ELP4: variants seen among roughly 807,000 people sequenced by gnomAD.
ELP4 encodes elongator acetyltransferase complex subunit 4.
In ELP4, 51 loss-of-function variants were observed where a neutral mutation model predicts 48.9. The observed-to-expected ratio is 1.04, with a 90% CI of 0.83 to 1.32. The LOEUF is 1.32. Among genes scored for constraint, ELP4 ranks in the 40% most tolerant of loss-of-function variants. ELP4 has a pLI of 0.00. For synonymous variants in ELP4, 210 were observed against 189.2 expected, an observed-to-expected ratio of 1.11 and a Z score of -0.90; for missense variants, 519 against 514.6, an observed-to-expected ratio of 1.01 and a Z score of -0.08.
intron 9 of ELP4, chr11:31,682,080 G>A (rs1158693443): frequency 1.6e-6 from 2 of 1,280,888 alleles, no homozygotes; most frequent in Non-Finnish European, 2.0e-6. Context: ...CTAAAGGTAA[G>A]TAGATACTGA....
chr11:31,632,874 T>C (rs1198212886), intron 7 of ELP4: 1 of 152,178 alleles, frequency 6.6e-6, no homozygotes, highest in Non-Finnish European at 1.5e-5. Flanking sequence ...TTAGTTCATG[T>C]TCTGAAACAG....
At chr11:31,537,042 C>T (rs1202778445) in intron 2 of ELP4, among the ~76,000 whole-genome samples, 1 of 152,080 alleles carries the variant, frequency 6.6e-6, no homozygotes, top group Non-Finnish European at 1.5e-5. Flanking sequence ...TCCTAAGAAA[C>T]ATTTGCCTAC....
chr11:31,757,763 G>A (rs979304441), intron 9 of ELP4, among the ~76,000 whole-genome samples: 6 of 152,172 alleles, frequency 3.9e-5, no homozygotes, highest in African/African-American at 1.4e-4. Flanking sequence ...CACGCCAGAT[G>A]TAACAGTTTG....
At chr11:31,530,330 A>G (rs1020415406) in intron 2 of ELP4, among the ~76,000 whole-genome samples, 3 of 152,180 alleles carry the variant, frequency 2.0e-5, no homozygotes, top group Non-Finnish European at 4.4e-5. Flanking sequence ...AAGTACATAA[A>G]ATCATTTCAT....
chr11:31,615,279 T>C (rs1369770483), intron 5 of ELP4, among the ~76,000 whole-genome samples: 3 of 151,982 alleles, frequency 2.0e-5, no homozygotes, highest in Non-Finnish European at 4.4e-5. Context: ...TAAGAAAAAA[T>C]TGAATACCCT....
intron 3 of ELP4, among the ~76,000 whole-genome samples, chr11:31,546,196 G>A (rs1390365656): frequency 6.6e-6 from 1 of 151,984 alleles, no homozygotes; most frequent in Non-Finnish European, 1.5e-5. Flanking sequence ...TGGCAAATTG[G>A]ATAAAGAGTC....
intron 9 of ELP4, among the ~76,000 whole-genome samples, chr11:31,685,930 TA>T (rs58204467): frequency 0.4 from 57,224 of 142,654 alleles, 11,833 homozygotes; most frequent in East Asian, 0.62. Context: ...GACTCCATCT[TA>T]AAAAAAAAAA....
At position 31,660,219 on chromosome 11, in the gene ELP4, G is replaced by A. The variant is rs896220239; in HGVS notation, c.1143+9998G>A. 3.9e-5 allele frequency among the ~76,000 whole-genome samples: 6 copies of A among 151,924 alleles called. No individual in the cohort carries two copies. In the East Asian group the frequency reaches 5.8e-4, roughly 15 times the overall value. On this transcript the variant is annotated intron_variant, in intron 9 of 9. Transcript: ENST00000640961. ...ACTTTTCACTTACATATTTTGAAAC[G>A]GGCTTTTTTGTTGATATTTCTGCCG...
intron 5 of ELP4, among the ~76,000 whole-genome samples, chr11:31,618,618 A>G (rs1261501958): frequency 6.6e-6 from 1 of 152,092 alleles, no homozygotes; most frequent in Non-Finnish European, 1.5e-5. Context: ...CCGACATTCA[A>G]ACCATAGTAC....
At chr11:31,626,982 G>A (rs2273943) in intron 5 of ELP4, 128 bp from the exon 6 acceptor site, 391,861 of 556,074 alleles carry the variant, frequency 0.7, 143,164 homozygotes, top group Non-Finnish European at 0.76. Flanking sequence ...ATATAATACT[G>A]TTTTGACATT....
rs369921889 is a variant in ELP4, at chr11:31,647,738, C to T, written c.928-3C>T. On this transcript the variant is annotated splice_polypyrimidine_tract_variant and splice_region_variant and intron_variant, in intron 7 of 9. Transcript: ENST00000640961. The stretch of plus-strand genomic sequence containing the variant: ...GTTACTGTTTTGTTTCCATGTTTTG[C>T]AGAATAAAGCCATTATTGCCCGTGT... The T allele has an allele frequency of 2.5e-6, 4 of 1,576,578 alleles. No individual in the cohort carries two copies. The highest frequency in any genetic ancestry group is 3.5e-6 in the Non-Finnish European group (4 of 1,147,268).
Position 31,789,188 on chromosome 11 carries a change from T to G in ELP4, c.*5664T>G, listed in dbSNP as rs1235684278. The G allele has an allele frequency of 4.8e-6, 1 of 206,768 alleles. No individual in the cohort carries two copies. Among genetic ancestry groups the G allele is most frequent in the Non-Finnish European group, 9.9e-6 (1 of 101,294 alleles). The allele number at this position is 206,768 out of a possible 1,614,324, so 12.8% of individuals were successfully genotyped here. A position where few individuals can be genotyped will look rare whatever the true frequency, so the allele number is the denominator to read the frequency against. ...TGAAAATGTGTATAAAACATCTATA[T>G]TCTTGTCAAATATAAATGAAATTAA... On this transcript the variant is annotated 3_prime_UTR_variant, in exon 10 of 10. Transcript: ENST00000640961.
chr11:31,565,693 G>C (rs1451311448), intron 3 of ELP4, among the ~76,000 whole-genome samples: 3 of 150,492 alleles, frequency 2.0e-5, no homozygotes, highest in Non-Finnish European at 4.4e-5. Flanking sequence ...TAGATGTGTG[G>C]TATTATTTCT....
chr11:31,659,295 A>G (rs576184595), intron 9 of ELP4, among the ~76,000 whole-genome samples: 1 of 152,252 alleles, frequency 6.6e-6, no homozygotes, highest in Non-Finnish European at 1.5e-5. Context: ...TGTATCTGGT[A>G]TCGTGAAATT....
At chr11:31,567,066 G>A (rs1321018465) in intron 3 of ELP4, among the ~76,000 whole-genome samples, 1 of 151,744 alleles carries the variant, frequency 6.6e-6, no homozygotes, top group Non-Finnish European at 1.5e-5. Context: ...GAGTAACTGG[G>A]ATTACAGGCA....
rs1434260342 is a variant in ELP4 at position 31,684,750 on chromosome 11, A to C, written c.1143+34529A>C. Among the ~76,000 whole-genome samples the C allele has an allele frequency of 3.9e-5, 6 of 152,208 alleles. No homozygotes were observed. The East Asian group carries it at 1.2e-3, about 29-fold the overall frequency. ...TATCCGTATGATCCATATGAAAAAC[A>C]AAAGTAAATCTTGACCCCTTCTTCA... On this transcript the variant is annotated intron_variant, in intron 9 of 9. Coordinates refer to ENST00000640961, the MANE Select transcript of ELP4 (RefSeq NM_019040.5).
chr11:31,672,931 A>G (rs966635888), intron 9 of ELP4, among the ~76,000 whole-genome samples: 1 of 152,240 alleles, frequency 6.6e-6, no homozygotes, highest in Non-Finnish European at 1.5e-5. Context: ...ATGGTATTCT[A>G]AGTTTACATG....
intron 2 of ELP4, among the ~76,000 whole-genome samples, chr11:31,524,261 A>G (rs1330228498): frequency 2.6e-5 from 4 of 152,230 alleles, no homozygotes; most frequent in Non-Finnish European, 5.9e-5. Context: ...CAGCAAGCCT[A>G]CAATATAGGT....
In ELP4 at chr11:31,714,646, G is replaced by A. The variant is rs181953043; in HGVS notation, c.1143+64425G>A. The A allele has an allele frequency of 9.4e-4, 376 of 398,538 alleles. 1 individual carries two copies. Among genetic ancestry groups the A allele is most frequent in the African/African-American group, 6.9e-3 (338 of 48,726 alleles). 24.7% of individuals were successfully genotyped at this position (398,538 alleles called of 1,614,324 possible). ...GTTCTGGCAGGCAGAGGTCCAAAAA[G>A]GGGTCAGCACAGCTACGTTCCTCCT... On this transcript the variant is annotated intron_variant, in intron 9 of 9. Transcript: ENST00000640961.
Sources: gnomAD v4.1 joint callset for allele counts (sites outside exome capture counted in the v4.1 genomes callset) on GRCh38, gnomAD v4.1.1 for gene constraint, MANE v1.5 for transcripts, NCBI Gene and HGNC (gene_info 2026-07-23, HGNC 2026-07-21) for gene names.